ASCC2: variants seen among roughly 807,000 people sequenced by gnomAD.
The protein encoded by ASCC2 is ASC-1 complex subunit P100.
ASCC2 carries 42 observed loss-of-function variants against 93.5 expected under a neutral mutation model. That is an observed-to-expected ratio of 0.45 (90% CI 0.35 to 0.58). ASCC2 has a LOEUF of 0.58. Ranked by LOEUF, ASCC2 falls within the 20% of genes least tolerant of loss-of-function variation. ASCC2 has a pLI of 0.00. For synonymous variants in ASCC2, 364 were observed against 384.2 expected (o/e 0.95, Z 0.62); for missense variants, 859 against 977.6 (o/e 0.88, Z 1.62).
At position 29,808,318 on chromosome 22, in the gene ASCC2, G is replaced by A. The variant is rs1177875624; in HGVS notation, c.834-133C>T. 5.5e-6 allele frequency: 5 copies of A among 902,490 alleles called. No homozygotes were observed. The Admixed American group carries it at 9.0e-5, about 16-fold the overall frequency. 55.9% of individuals were successfully genotyped at this position (902,490 alleles called of 1,614,324 possible). On this transcript the variant is annotated intron_variant, in intron 8 of 19. Transcript: ENST00000307790. ...CACAATTTTCTCCAGGGACCCCTTG[G>A]TTCTTCCCTGAGCTCACCCCAGACT...
chr22:29,824,938 C>G, intron 4 of ASCC2, 149 bp downstream of exon 4: 1 of 797,058 alleles, frequency 1.3e-6, no homozygotes, highest in Non-Finnish European at 1.8e-6. Context: ...GGACGTGGCA[C>G]AGATTTCTTC....
chr22:29,807,764 C>T (rs2059842253), intron 9 of ASCC2, among the ~76,000 whole-genome samples: 1 of 151,980 alleles, frequency 6.6e-6, no homozygotes, highest in Non-Finnish European at 1.5e-5. Context: ...CAAAAATTAG[C>T]CAGGTGTGGT....
intron 1 of ASCC2, among the ~76,000 whole-genome samples, chr22:29,836,977 C>T (rs1046180081): frequency 1.4e-4 from 22 of 152,364 alleles, no homozygotes; most frequent in African/African-American, 5.3e-4. Context: ...AAGACAGATA[C>T]TTTTCCAATT....
chr22:29,829,493 C>T (rs890274443), intron 2 of ASCC2, among the ~76,000 whole-genome samples: 2 of 152,008 alleles, frequency 1.3e-5, no homozygotes, highest in African/African-American at 4.8e-5. Context: ...GAGGCCAAGG[C>T]GGGCGGATCA....
chr22:29,796,170 G>A (rs2058410273), intron 15 of ASCC2, among the ~76,000 whole-genome samples: 1 of 151,666 alleles, frequency 6.6e-6, no homozygotes, highest in African/African-American at 2.4e-5. Flanking sequence ...GTGCAGTGGC[G>A]TGATCTCAGC....
intron 1 of ASCC2, chr22:29,832,547 G>T: frequency 2.4e-6 from 1 of 420,332 alleles, no homozygotes; most frequent in Non-Finnish European, 4.2e-6. Flanking sequence ...AATTGTAGAA[G>T]AAATACTTCC....
At chr22:29,789,244 G>A in intron 19 of ASCC2, 60 bp from the exon 20 acceptor site, 2 of 1,598,966 alleles carry the variant, frequency 1.3e-6, no homozygotes, top group Admixed American at 1.7e-5. Flanking sequence ...TCTGGCGGGA[G>A]AGCCCACAGC....
intron 10 of ASCC2, 85 bp downstream of exon 10, chr22:29,806,712 G>A (rs1004450328): frequency 2.7e-5 from 39 of 1,449,884 alleles, no homozygotes; most frequent in Non-Finnish European, 3.7e-5. Context: ...GTGCAGTGGA[G>A]GAAGCCAAGA....
intron 14 of ASCC2, 47 bp downstream of exon 14, chr22:29,801,947 C>T (rs369900218): frequency 6.8e-5 from 104 of 1,526,346 alleles, no homozygotes; most frequent in Non-Finnish European, 3.0e-5. Context: ...GGCCCCACCC[C>T]GAGGCAGCCT....
At chr22:29,810,398 C>G (rs988079196) in intron 8 of ASCC2, 1 of 152,228 alleles carries the variant, frequency 6.6e-6, no homozygotes, top group Admixed American at 6.5e-5. Flanking sequence ...AAACACATGC[C>G]TGTCAGTTGG....
At chr22:29,822,281 T>C (rs17711461) in intron 5 of ASCC2, 54 bp downstream of exon 5, 85,823 of 1,605,464 alleles carry the variant, frequency 0.053, 2,751 homozygotes, top group South Asian at 0.098. Context: ...CAACCTTTAG[T>C]TTGGCATGTG....
chr22:29,824,472 C>T (rs1380751035), intron 4 of ASCC2, among the ~76,000 whole-genome samples: 2 of 151,810 alleles, frequency 1.3e-5, no homozygotes, highest in Non-Finnish European at 2.9e-5. Context: ...ATAAATTAGC[C>T]AGGCATGATG....
chr22:29,834,389 G>A (rs2063520785), intron 1 of ASCC2: 1 of 423,178 alleles, frequency 2.4e-6, no homozygotes. Context: ...AAACAGCCTG[G>A]TACCCAAGGA....
intron 1 of ASCC2, among the ~76,000 whole-genome samples, chr22:29,832,860 C>T (rs922410660): frequency 6.6e-6 from 1 of 152,148 alleles, no homozygotes; most frequent in Non-Finnish European, 1.5e-5. Context: ...CCCACCTCAG[C>T]CTCCTGAGTA....
chr22:29,808,869 AG>A (rs2059976183), intron 8 of ASCC2, among the ~76,000 whole-genome samples: 1 of 151,928 alleles, frequency 6.6e-6, no homozygotes, highest in Non-Finnish European at 1.5e-5. Flanking sequence ...CTGTAATCCT[AG>A]CACTCTGGGA....
intron 1 of ASCC2, among the ~76,000 whole-genome samples, chr22:29,837,438 G>A (rs2063968131): frequency 2.0e-5 from 3 of 151,898 alleles, no homozygotes; most frequent in Non-Finnish European, 2.9e-5. Flanking sequence ...GTCTTGGGGG[G>A]AAAAAATAAA....
chr22:29,824,263 C>T, intron 4 of ASCC2, among the ~76,000 whole-genome samples: 1 of 151,270 alleles, frequency 6.6e-6, no homozygotes, highest in South Asian at 2.1e-4. Context: ...CACACACACA[C>T]ACACACACAC....
chr22:29,837,437 G>A (rs1330660692), intron 1 of ASCC2, among the ~76,000 whole-genome samples: 7 of 134,216 alleles, frequency 5.2e-5, no homozygotes, highest in Non-Finnish European at 1.7e-5. Flanking sequence ...CGTCTTGGGG[G>A]GAAAAAATAA....
chr22:29,822,716 CTT>C (rs748997801), intron 4 of ASCC2, among the ~76,000 whole-genome samples: 3 of 93,014 alleles, frequency 3.2e-5, no homozygotes, highest in African/African-American at 8.3e-5. Flanking sequence ...ATTATCATGT[CTT>C]TTTTTTTTTT....
Sources: allele counts gnomAD v4.1 joint callset (sites outside exome capture counted in the v4.1 genomes callset), GRCh38; gene constraint gnomAD v4.1.1; transcripts MANE v1.5; gene names NCBI Gene and HGNC (gene_info 2026-07-23, HGNC 2026-07-21).